Variants in PPP2R2A observed in about 807,000 individuals in gnomAD.
PPP2R2A encodes serine/threonine-protein phosphatase 2A 55 kDa regulatory subunit B alpha isoform.
In PPP2R2A, 9 loss-of-function variants were observed where a neutral mutation model predicts 53.2. The ratio of observed to expected loss-of-function variants is 0.17; its 90% confidence interval spans 0.10 to 0.30. PPP2R2A has a LOEUF of 0.30. Among genes scored for constraint, PPP2R2A ranks in the 10% least tolerant of loss-of-function variants. The pLI, the probability that PPP2R2A is intolerant of heterozygous loss-of-function variation, is 1.00. For missense variants in PPP2R2A, 235 were observed against 534.6 expected, an observed-to-expected ratio of 0.44 and a Z score of 5.53; for synonymous variants, 169 against 174.2, an observed-to-expected ratio of 0.97 and a Z score of 0.23.
chr8:26,346,844 G>A, intron 3 of PPP2R2A, among the ~76,000 whole-genome samples: 1 of 152,162 alleles, frequency 6.6e-6, no homozygotes, highest in East Asian at 1.9e-4. Flanking sequence ...TGTTACCAGT[G>A]GAAAGGACAT....
At chr8:26,344,064 G>C (rs939535069) in intron 3 of PPP2R2A, among the ~76,000 whole-genome samples, 1 of 152,118 alleles carries the variant, frequency 6.6e-6, no homozygotes, top group African/African-American at 2.4e-5. Flanking sequence ...AAGTCATACA[G>C]TTAATAAGGA....
At position 26,330,477 on chromosome 8, in the gene PPP2R2A, G is replaced by A. The variant is rs141451691; in HGVS notation, c.83-8413G>A. Among the ~76,000 whole-genome samples, 24 of 151,766 alleles carry A rather than the reference G, an allele frequency of 1.6e-4. No homozygotes were observed. In the East Asian group the frequency reaches 3.1e-3, roughly 20 times the overall value. On this transcript the variant is annotated intron_variant, in intron 2 of 9. Transcript: ENST00000380737. ...TGAGTAGCCGGGACCGCAGGAGCACGCTACAGCACCTGGCTTAGTTTTTTT... is the reference window on the plus strand; with the variant it reads ...TGAGTAGCCGGGACCGCAGGAGCACACTACAGCACCTGGCTTAGTTTTTTT...
intron 2 of PPP2R2A, among the ~76,000 whole-genome samples, chr8:26,307,619 T>G (rs1474586938): frequency 6.6e-6 from 1 of 152,266 alleles, no homozygotes; most frequent in African/African-American, 2.4e-5. Flanking sequence ...TGTTAAATTC[T>G]TGCTATGCAG....
rs1056019786 is a variant in PPP2R2A at position 26,321,041 on chromosome 8, A to C, written c.83-17849A>C. Among the ~76,000 whole-genome samples, 7 of 152,222 alleles carry C rather than the reference A, an allele frequency of 4.6e-5. No individual in the cohort carries two copies. The highest frequency in any genetic ancestry group is 3.9e-4 in the Admixed American group (6 of 15,290). On this transcript the variant is annotated intron_variant, in intron 2 of 9. Coordinates refer to ENST00000380737, the MANE Select transcript of PPP2R2A (RefSeq NM_002717.4). The surrounding 1 kb of genome is among the most constrained non-coding windows in gnomAD (Gnocchi z 4.1). ...ATGACCAACGAGCATAATAAGGAGA[A>C]TTCAGTATCCTTGGAAACCCTGGAA...
chr8:26,293,156 T>C (rs1801383191), intron 1 of PPP2R2A: 4 of 1,313,696 alleles, frequency 3.0e-6, no homozygotes, highest in South Asian at 1.3e-5. Flanking sequence ...GATTTGCTGG[T>C]AATGAATGCA....
intron 2 of PPP2R2A, 185 bp downstream of exon 2, chr8:26,293,925 C>T (rs552941967): frequency 1.7e-6 from 1 of 588,892 alleles, no homozygotes; most frequent in East Asian, 2.9e-5. Flanking sequence ...TTATTTACGC[C>T]TTGTTTTTAT....
chr8:26,366,682 G>A (rs1805397979), intron 9 of PPP2R2A, among the ~76,000 whole-genome samples: 1 of 151,838 alleles, frequency 6.6e-6, no homozygotes, highest in East Asian at 1.9e-4. Context: ...CCATTAAAAC[G>A]GTGAAGCTTC....
At chr8:26,306,385 A>T (rs181814856) in intron 2 of PPP2R2A, among the ~76,000 whole-genome samples, 1 of 151,462 alleles carries the variant, frequency 6.6e-6, no homozygotes, top group East Asian at 1.9e-4. Flanking sequence ...CTGAGGCACG[A>T]GAAATACTTG....
chr8:26,365,156 C>G (rs1359709386), intron 8 of PPP2R2A: 6 of 152,160 alleles, frequency 3.9e-5, no homozygotes, highest in Non-Finnish European at 4.4e-5. Flanking sequence ...ACCTGATTTG[C>G]TACTTTTCTA....
intron 2 of PPP2R2A, among the ~76,000 whole-genome samples, chr8:26,311,319 T>A (rs567914575): frequency 6.6e-6 from 1 of 152,276 alleles, no homozygotes; most frequent in South Asian, 2.1e-4. Context: ...CAAATTGAGA[T>A]CAACTAGTTT....
intron 2 of PPP2R2A, among the ~76,000 whole-genome samples, chr8:26,302,465 T>A (rs1367813111): frequency 1.3e-5 from 2 of 152,234 alleles, no homozygotes; most frequent in African/African-American, 4.8e-5. Flanking sequence ...GACCGATGCA[T>A]GTGATGTTAA....
rs1004949661 is a variant in PPP2R2A at position 26,362,101 on chromosome 8, GA to G, written c.638-578del. On this transcript the variant is annotated intron_variant, in intron 6 of 9. Coordinates refer to ENST00000380737, the MANE Select transcript of PPP2R2A (RefSeq NM_002717.4). The surrounding 1 kb of genome is among the most constrained non-coding windows in gnomAD (Gnocchi z 4.4). ...AAAGATTAATAATTAGATTAGATTA[GA>G]AAAAGATTAGAAAAAGAAAGATTAA... 2.0e-5 allele frequency among the ~76,000 whole-genome samples: 3 copies of G among 150,460 alleles called. No homozygotes were observed. Among genetic ancestry groups the G allele is most frequent in the Admixed American group, 2.0e-4 (3 of 15,162 alleles).
Position 26,330,233 on chromosome 8 carries a change from T to A in PPP2R2A, c.83-8657T>A, listed in dbSNP as rs147253473. On this transcript the variant is annotated intron_variant, in intron 2 of 9. Transcript: ENST00000380737. ...AATGTATCTTTCACTTCAAATAGTA[T>A]GTTTTTTTATTTTTAGTCACATTTT... Among the ~76,000 whole-genome samples the A allele has an allele frequency of 9.6e-4, 146 of 152,306 alleles. 2 individuals are homozygous for A. The highest frequency in any genetic ancestry group is 3.2e-3 in the African/African-American group (134 of 41,572).
At position 26,348,532 on chromosome 8, in the gene PPP2R2A, A is replaced by G. The variant is rs1028024377; in HGVS notation, c.181-5936A>G. On this transcript the variant is annotated intron_variant, in intron 3 of 9. Transcript: ENST00000380737. ...TACAAAACCACTGAATTTTGTATTTAGACTTGGGTCCCCTCCCTAAGATAA... is the reference window on the plus strand; with the variant it reads ...TACAAAACCACTGAATTTTGTATTTGGACTTGGGTCCCCTCCCTAAGATAA... Among the ~76,000 whole-genome samples, 7 of 152,350 alleles carry G rather than the reference A, an allele frequency of 4.6e-5. No homozygotes were observed. In the East Asian group the frequency reaches 1.2e-3, roughly 25 times the overall value.
rs1282988204 is a variant in PPP2R2A at position 26,360,294 on chromosome 8, GA to G, written c.459+20del. 5 of 1,483,960 alleles carry G rather than the reference GA, an allele frequency of 3.4e-6. No individual in the cohort carries two copies. The highest frequency in any genetic ancestry group is 3.8e-5 in the Admixed American group (2 of 52,772). The allele number at this position is 1,483,960 out of a possible 1,614,324, so 91.9% of individuals were successfully genotyped here. Reference sequence around the variant, plus strand: ...TACTACACTACGAGTAAGTACATAAGAAAAAAATGTCACAGATAGTGCTTGT... The same window carrying G: ...TACTACACTACGAGTAAGTACATAAGAAAAAATGTCACAGATAGTGCTTGT... On this transcript the variant is annotated intron_variant, in intron 5 of 9. Transcript: ENST00000380737. This position sits in a 1 kb window ranked among gnomAD's most constrained non-coding sequence, Gnocchi z 4.5.
intron 2 of PPP2R2A, chr8:26,333,645 A>G (rs1440936067): frequency 1.5e-6 from 1 of 688,172 alleles, no homozygotes; most frequent in Non-Finnish European, 1.9e-6. Flanking sequence ...ACCCATTTAT[A>G]TATACTATTT....
chr8:26,350,086 G>A lies in PPP2R2A; in HGVS notation c.181-4382G>A, dbSNP rs149734565. Among the ~76,000 whole-genome samples the A allele has an allele frequency of 2.7e-4, 41 of 151,710 alleles. No homozygotes were observed. In the East Asian group the frequency reaches 4.1e-3, roughly 15 times the overall value. ...CTGTTTGTTTGTTTTTTTTTGAGACGAAGTCTTCTTGCTTTGTCACCCAGG... is the reference window on the plus strand; with the variant it reads ...CTGTTTGTTTGTTTTTTTTTGAGACAAAGTCTTCTTGCTTTGTCACCCAGG... On this transcript the variant is annotated intron_variant, in intron 3 of 9. Coordinates refer to ENST00000380737, the MANE Select transcript of PPP2R2A (RefSeq NM_002717.4).
At chr8:26,348,069 A>G (rs1804310029) in intron 3 of PPP2R2A, among the ~76,000 whole-genome samples, 1 of 152,198 alleles carries the variant, frequency 6.6e-6, no homozygotes, top group Non-Finnish European at 1.5e-5. Context: ...CTTTTAAAAT[A>G]CTTTTATACT....
intron 2 of PPP2R2A, among the ~76,000 whole-genome samples, chr8:26,294,385 C>G (rs763861190): frequency 1.3e-5 from 2 of 152,152 alleles, no homozygotes; most frequent in Admixed American, 1.3e-4. Flanking sequence ...GAAGTACTTA[C>G]GTCTAATTTT....
Sources: gnomAD v4.1 joint callset for allele counts (sites outside exome capture counted in the v4.1 genomes callset) on GRCh38, gnomAD v4.1.1 for gene constraint, Gnocchi (gnomAD v3.1) non-coding constraint, MANE v1.5 for transcripts, NCBI Gene and HGNC (gene_info 2026-07-23, HGNC 2026-07-21) for gene names.